Variants in SHISA9 observed in about 807,000 individuals in gnomAD.
SHISA9 encodes shisa family member 9, also known as protein shisa-9.
SHISA9 carries 13 observed loss-of-function variants against 38.0 expected under a neutral mutation model. That is an observed-to-expected ratio of 0.34 (90% CI 0.22 to 0.54). The LOEUF is 0.54. SHISA9 is among the 20% of genes least tolerant of loss of function. The pLI is 0.91. For missense variants in SHISA9, 538 were observed against 575.8 expected (o/e 0.93, Z 0.67); for synonymous variants, 275 against 242.0 (o/e 1.14, Z -1.27).
intron 2 of SHISA9, among the ~76,000 whole-genome samples, chr16:13,154,882 G>C (rs2050530317): frequency 6.6e-6 from 1 of 152,220 alleles, no homozygotes; most frequent in South Asian, 2.1e-4. Flanking sequence ...TGTTTTGTCA[G>C]GGTTGTTTCT....
At chr16:12,983,906 C>A (rs1372218760) in intron 2 of SHISA9, among the ~76,000 whole-genome samples, 1 of 152,208 alleles carries the variant, frequency 6.6e-6, no homozygotes, top group African/African-American at 2.4e-5. Flanking sequence ...TTTCTTATCA[C>A]CAAATGCTAT....
At chr16:12,970,493 A>ATC (rs1567168097) in intron 2 of SHISA9, among the ~76,000 whole-genome samples, 2 of 30,382 alleles carry the variant, frequency 6.6e-5, no homozygotes, top group African/African-American at 2.6e-4. Flanking sequence ...ATATATATAT[A>ATC]TATATTTTTT....
chr16:13,375,852 T>A, the SHISA9 span, among the ~76,000 whole-genome samples: 1 of 152,134 alleles, frequency 6.6e-6, no homozygotes, highest in Non-Finnish European at 1.5e-5. Context: ...TCCAAATAGA[T>A]CTGAAGATTC....
the SHISA9 span, among the ~76,000 whole-genome samples, chr16:13,543,603 A>G: frequency 3.3e-5 from 5 of 152,108 alleles, no homozygotes; most frequent in African/African-American, 1.2e-4. Flanking sequence ...CCACACTCCC[A>G]GTGCTGTTTC....
chr16:13,288,677 C>G, the SHISA9 span, among the ~76,000 whole-genome samples: 1 of 152,040 alleles, frequency 6.6e-6, no homozygotes, highest in Non-Finnish European at 1.5e-5. Context: ...GCCTGTAATC[C>G]CAGCTGCCTG....
chr16:12,943,956 A>AC (rs2071656166), intron 2 of SHISA9, among the ~76,000 whole-genome samples: 2 of 151,918 alleles, frequency 1.3e-5, no homozygotes, highest in African/African-American at 4.8e-5. Context: ...TTATTTCTCA[A>AC]CCCCAACACT....
At chr16:12,936,110 G>C (rs184921452) in intron 2 of SHISA9, among the ~76,000 whole-genome samples, 1 of 152,088 alleles carries the variant, frequency 6.6e-6, no homozygotes, top group Non-Finnish European at 1.5e-5. Flanking sequence ...TAGATGCATC[G>C]TCTGATGTCC....
chr16:13,260,007 C>CTTTCTTTCTTTTTTTTTTT, the SHISA9 span, among the ~76,000 whole-genome samples: 1 of 60,418 alleles, frequency 1.7e-5, no homozygotes, highest in African/African-American at 6.6e-5. Flanking sequence ...TTCTTTCTTT[C>CTTTCTTTCTTTTTTTTTTT]TTTTTTTTTT....
the SHISA9 span, among the ~76,000 whole-genome samples, chr16:13,478,087 C>T: frequency 1.8e-4 from 28 of 152,228 alleles, no homozygotes; most frequent in African/African-American, 6.3e-4. Flanking sequence ...GCATTTTCCT[C>T]TGAAATCCTT....
intron 2 of SHISA9, among the ~76,000 whole-genome samples, chr16:13,070,630 G>A (rs1311755559): frequency 1.3e-5 from 2 of 152,228 alleles, no homozygotes; most frequent in Non-Finnish European, 1.5e-5. Context: ...GCCGGGAAGT[G>A]GGGGCGGGGC....
At chr16:13,493,776 C>A in the SHISA9 span, among the ~76,000 whole-genome samples, 1 of 152,072 alleles carries the variant, frequency 6.6e-6, no homozygotes, top group East Asian at 1.9e-4. Flanking sequence ...TTTCATTCAC[C>A]TCTATGTGCT....
the SHISA9 span, chr16:13,350,634 C>T: frequency 6.6e-6 from 1 of 152,192 alleles, no homozygotes; most frequent in East Asian, 1.9e-4. Flanking sequence ...CCTCTGTATA[C>T]CAATTGCAGA....
At chr16:13,276,982 C>T in the SHISA9 span, among the ~76,000 whole-genome samples, 1 of 152,018 alleles carries the variant, frequency 6.6e-6, no homozygotes, top group Non-Finnish European at 1.5e-5. Context: ...ATCATAAAAT[C>T]CTTGCCTAAG....
chr16:13,173,911 G>A (rs2050710168), intron 2 of SHISA9, among the ~76,000 whole-genome samples: 1 of 152,144 alleles, frequency 6.6e-6, no homozygotes, highest in Admixed American at 6.5e-5. Context: ...GCTGATTGGA[G>A]TGACAAACTA....
At chr16:12,991,259 C>T (rs1044308548) in intron 2 of SHISA9, among the ~76,000 whole-genome samples, 1 of 152,064 alleles carries the variant, frequency 6.6e-6, no homozygotes, top group African/African-American at 2.4e-5. Flanking sequence ...CCTTTCAGAT[C>T]TTTTTTTGTA....
rs11377087 is a variant in SHISA9 at position 13,172,742 on chromosome 16, T to TA, written c.692-30652_692-30651insA. 5.2e-3 allele frequency among the ~76,000 whole-genome samples: 276 copies of TA among 53,090 alleles called. 2 individuals carry two copies. The highest frequency in any genetic ancestry group is 0.016 in the African/African-American group (261 of 15,874). 34.8% of individuals were successfully genotyped at this position (53,090 alleles called of 152,430 possible). On this transcript the variant is annotated intron_variant, in intron 2 of 4. Transcript: ENST00000558583. ...AATTACAATTCACTTATCTTGATGA[T>TA]TTTTTTTTTTTTTTTTTTGGTAAAT...
At chr16:13,199,920 C>T (rs529020098) in intron 2 of SHISA9, among the ~76,000 whole-genome samples, 2 of 152,136 alleles carry the variant, frequency 1.3e-5, no homozygotes, top group African/African-American at 2.4e-5. Context: ...CATCCCTGAG[C>T]GAGGGTATCT....
At chr16:13,199,668 G>A (rs185761372) in intron 2 of SHISA9, among the ~76,000 whole-genome samples, 2 of 152,112 alleles carry the variant, frequency 1.3e-5, no homozygotes, top group Non-Finnish European at 2.9e-5. Flanking sequence ...TGGCCTTTTC[G>A]TTGTTTGACT....
At chr16:13,216,272 T>C (rs2051168290) in intron 4 of SHISA9, among the ~76,000 whole-genome samples, 1 of 151,048 alleles carries the variant, frequency 6.6e-6, no homozygotes, top group Non-Finnish European at 1.5e-5. Context: ...ACAGGCACCA[T>C]CATTTGCTAG....
Sources: allele counts gnomAD v4.1 joint callset (sites outside exome capture counted in the v4.1 genomes callset), GRCh38; gene constraint gnomAD v4.1.1; transcripts MANE v1.5; gene names NCBI Gene and HGNC (gene_info 2026-07-23, HGNC 2026-07-21).